Variants in ROBO1 observed in about 807,000 individuals in gnomAD.
ROBO1 encodes roundabout guidance receptor 1.
ROBO1 carries 149 observed loss-of-function variants against 195.9 expected under a neutral mutation model. The ratio of observed to expected loss-of-function variants is 0.76; its 90% CI spans 0.67 to 0.87. The LOEUF (loss-of-function observed/expected upper bound fraction) is 0.87, where lower values mean the gene tolerates loss of function less well. Ranked by LOEUF, ROBO1 falls within the 40% of genes least tolerant of loss-of-function variation. ROBO1 has a pLI of 0.00. For synonymous variants in ROBO1, 816 were observed against 733.2 expected (o/e 1.11, Z -1.82); for missense variants, 1,933 against 2,068.3 (o/e 0.93, Z 1.27).
chr3:79,646,089 T>C (rs569775638), intron 1 of ROBO1, among the ~76,000 whole-genome samples: 8 of 152,184 alleles, frequency 5.3e-5, no homozygotes, highest in Non-Finnish European at 1.0e-4. Flanking sequence ...TGGCATTATG[T>C]CAAGCTAAAA....
At chr3:79,014,754 G>A (rs2077880848) in intron 3 of ROBO1, among the ~76,000 whole-genome samples, 1 of 152,048 alleles carries the variant, frequency 6.6e-6, no homozygotes, top group Admixed American at 6.6e-5. Context: ...TTTCCTATAT[G>A]AAATCGAGCT....
intron 3 of ROBO1, among the ~76,000 whole-genome samples, chr3:78,979,282 C>G (rs1231217911): frequency 6.6e-6 from 1 of 152,118 alleles, no homozygotes; most frequent in Non-Finnish European, 1.5e-5. Flanking sequence ...CCTTAATCAG[C>G]CAACGTGAAA....
At chr3:79,126,001 A>T (rs531033828) in intron 2 of ROBO1, among the ~76,000 whole-genome samples, 1 of 152,306 alleles carries the variant, frequency 6.6e-6, no homozygotes, top group East Asian at 1.9e-4. Context: ...ATTGTACCTC[A>T]TATGAGGCAG....
At chr3:78,637,457 T>C (rs1705592409) in intron 22 of ROBO1, among the ~76,000 whole-genome samples, 1 of 152,202 alleles carries the variant, frequency 6.6e-6, no homozygotes, top group South Asian at 2.1e-4. Flanking sequence ...ATATTGGACA[T>C]GGTCTACTCC....
chr3:78,837,219 A>T (rs2032817025), intron 4 of ROBO1, among the ~76,000 whole-genome samples: 1 of 152,180 alleles, frequency 6.6e-6, no homozygotes, highest in Non-Finnish European at 1.5e-5. Context: ...TCAATGTTGG[A>T]TATAACCATT....
chr3:78,831,935 C>A lies in ROBO1; in HGVS notation c.500-85035G>T, dbSNP rs1486902807. ...TGATTCAATTATCTCCCACTGGGTC[C>A]CTCCCACAAAACATGGGAATTATGG... On this transcript the variant is annotated intron_variant, in intron 4 of 30. Coordinates refer to ENST00000464233, the MANE Select transcript of ROBO1 (RefSeq NM_002941.4). Among the ~76,000 whole-genome samples, 3 of 152,050 alleles carry A rather than the reference C, an allele frequency of 2.0e-5. 1 individual carries two copies. The highest frequency in any genetic ancestry group is 4.4e-5 in the Non-Finnish European group (3 of 68,018).
chr3:79,690,173 C>T (rs9309827), intron 1 of ROBO1, among the ~76,000 whole-genome samples: 47,173 of 151,794 alleles, frequency 0.31, 9,073 homozygotes, highest in African/African-American at 0.55. Flanking sequence ...TCCTCATCCA[C>T]AGAACCTTGT....
intron 2 of ROBO1, among the ~76,000 whole-genome samples, chr3:79,149,953 A>T (rs2080733929): frequency 6.6e-6 from 1 of 151,702 alleles, no homozygotes; most frequent in South Asian, 2.1e-4. Flanking sequence ...GCACAAGGGG[A>T]ATTTCCTATA....
chr3:79,629,646 G>A (rs1158901341), intron 1 of ROBO1, among the ~76,000 whole-genome samples: 1 of 151,500 alleles, frequency 6.6e-6, no homozygotes, highest in Non-Finnish European at 1.5e-5. Context: ...AAAGATCAGA[G>A]CAGAATTAAA....
intron 4 of ROBO1, among the ~76,000 whole-genome samples, chr3:78,832,895 T>C (rs1369917945): frequency 1.3e-5 from 2 of 152,002 alleles, no homozygotes; most frequent in African/African-American, 4.8e-5. Flanking sequence ...AGGTGCTGTA[T>C]TCAGCAAACC....
intron 1 of ROBO1, among the ~76,000 whole-genome samples, chr3:79,704,904 ATTG>A (rs1314081954): frequency 6.6e-6 from 1 of 151,854 alleles, no homozygotes; most frequent in African/African-American, 2.4e-5. Flanking sequence ...GCAGTATCTC[ATTG>A]TTGTCGTCTG....
chr3:78,771,254 T>C (rs1338069177), intron 4 of ROBO1, among the ~76,000 whole-genome samples: 1 of 152,180 alleles, frequency 6.6e-6, no homozygotes, highest in Non-Finnish European at 1.5e-5. Context: ...CACTGGTCTA[T>C]GTGTCCATTT....
chr3:79,373,620 A>C (rs2036280858), intron 2 of ROBO1, among the ~76,000 whole-genome samples: 2 of 152,236 alleles, frequency 1.3e-5, no homozygotes, highest in Non-Finnish European at 1.5e-5. Flanking sequence ...TTTTCATAAA[A>C]TTATGGAATT....
chr3:78,837,653 C>A (rs1301708452), intron 4 of ROBO1, among the ~76,000 whole-genome samples: 1 of 151,950 alleles, frequency 6.6e-6, no homozygotes, highest in Non-Finnish European at 1.5e-5. Context: ...AGCTGAAAAT[C>A]CATGGGAATA....
intron 2 of ROBO1, among the ~76,000 whole-genome samples, chr3:79,240,658 T>C (rs1382740846): frequency 1.3e-5 from 2 of 152,092 alleles, no homozygotes; most frequent in Non-Finnish European, 1.5e-5. Flanking sequence ...TTTATTTATT[T>C]ATTTTTGAGA....
chr3:79,163,068 A>G lies in ROBO1; in HGVS notation c.89-37529T>C, dbSNP rs577579064. ...TTACCCATTTTTAAGCGTACAGTTC[A>G]GTGGAGTTAGATACATTCCTAATGT... On this transcript the variant is annotated intron_variant, in intron 2 of 30. Transcript: ENST00000464233. 4.4e-4 allele frequency among the ~76,000 whole-genome samples: 67 copies of G among 152,216 alleles called. 1 individual carries two copies. The highest frequency in any genetic ancestry group is 1.6e-3 in the African/African-American group (65 of 41,550).
At chr3:78,761,949 T>C (rs994771945) in intron 4 of ROBO1, among the ~76,000 whole-genome samples, 12 of 152,126 alleles carry the variant, frequency 7.9e-5, no homozygotes, top group African/African-American at 2.7e-4. Context: ...TTAAATATGA[T>C]AGTAAGTTAA....
At chr3:78,771,231 C>T (rs953315455) in intron 4 of ROBO1, among the ~76,000 whole-genome samples, 1 of 152,120 alleles carries the variant, frequency 6.6e-6, no homozygotes, top group Non-Finnish European at 1.5e-5. Flanking sequence ...TTTCTGGGTT[C>T]TCTATTCCAT....
intron 3 of ROBO1, among the ~76,000 whole-genome samples, chr3:79,045,103 C>T (rs535288302): frequency 1.3e-5 from 2 of 151,846 alleles, no homozygotes; most frequent in African/African-American, 2.4e-5. Flanking sequence ...TGATCTGATC[C>T]TTGAAATGAA....
Sources: gnomAD v4.1 joint callset for allele counts (sites outside exome capture counted in the v4.1 genomes callset) on GRCh38, gnomAD v4.1.1 for gene constraint, MANE v1.5 for transcripts, NCBI Gene and HGNC (gene_info 2026-07-23, HGNC 2026-07-21) for gene names.